Variants in KAZN observed in about 807,000 individuals in gnomAD.
The protein encoded by KAZN is kazrin.
In KAZN, 40 loss-of-function variants were observed where a neutral mutation model predicts 87.4. The ratio of observed to expected loss-of-function variants is 0.46; its 90% CI spans 0.36 to 0.60. The LOEUF (loss-of-function observed/expected upper bound fraction) is 0.60. Ranked by LOEUF, KAZN falls within the 20% of genes least tolerant of loss-of-function variation. The pLI is 0.00. For synonymous variants in KAZN, 466 were observed against 458.3 expected, an observed-to-expected ratio of 1.02 and a Z score of -0.22; for missense variants, 898 against 1,073.9, an observed-to-expected ratio of 0.84 and a Z score of 2.29.
At chr1:14,727,450 CTTTTTTTTTTT>C (rs57203868) in intron 1 of KAZN, among the ~76,000 whole-genome samples, 25 of 73,894 alleles carry the variant, frequency 3.4e-4, no homozygotes, top group Admixed American at 7.3e-4. Flanking sequence ...TGTGCACTTT[CTTTTTTTTTTT>C]TTTTTTTTTT....
intron 2 of KAZN, among the ~76,000 whole-genome samples, chr1:14,312,101 A>G (rs1655344920): frequency 6.6e-6 from 1 of 151,902 alleles, no homozygotes; most frequent in Non-Finnish European, 1.5e-5. Flanking sequence ...TAGAAATAAG[A>G]GGGGAAAGCC....
intron 2 of KAZN, among the ~76,000 whole-genome samples, chr1:14,253,637 T>G (rs1208682592): frequency 1.3e-5 from 2 of 152,164 alleles, no homozygotes; most frequent in African/African-American, 2.4e-5. Context: ...TCTTCTTTCC[T>G]TTCCAGGTGT....
intron 2 of KAZN, among the ~76,000 whole-genome samples, chr1:14,396,744 AT>A (rs1162622725): frequency 6.6e-6 from 1 of 152,202 alleles, no homozygotes; most frequent in Non-Finnish European, 1.5e-5. Flanking sequence ...GGTCATAAAC[AT>A]CTACAATAAA....
chr1:14,539,827 A>T (rs1399956815), intron 2 of KAZN, among the ~76,000 whole-genome samples: 1 of 152,186 alleles, frequency 6.6e-6, no homozygotes, highest in African/African-American at 2.4e-5. Context: ...TAAATGTAAG[A>T]TAACAAATTA....
chr1:14,890,472 C>G (rs142900950), intron 1 of KAZN, among the ~76,000 whole-genome samples: 16 of 152,066 alleles, frequency 1.1e-4, no homozygotes, highest in Non-Finnish European at 1.9e-4. Context: ...CCCCTAAAAG[C>G]TGAACATTTT....
intron 2 of KAZN, among the ~76,000 whole-genome samples, chr1:14,216,757 A>C (rs1389835295): frequency 6.6e-6 from 1 of 152,020 alleles, no homozygotes; most frequent in Non-Finnish European, 1.5e-5. Flanking sequence ...ACAAAAGATT[A>C]GCTGGGAGTG....
chr1:15,053,194 C>T (rs1461814838), intron 4 of KAZN, among the ~76,000 whole-genome samples: 4 of 152,172 alleles, frequency 2.6e-5, no homozygotes, highest in African/African-American at 7.2e-5. Context: ...CCTAAGACTG[C>T]GAGTGTAGCA....
intron 1 of KAZN, among the ~76,000 whole-genome samples, chr1:14,740,162 G>A (rs894453332): frequency 2.6e-5 from 4 of 152,124 alleles, no homozygotes; most frequent in Non-Finnish European, 4.4e-5. Context: ...GAGGCAAATT[G>A]GTCCCTCCAC....
intron 12 of KAZN, 46 bp downstream of exon 12, chr1:15,103,506 A>G: frequency 8.0e-7 from 1 of 1,242,618 alleles, no homozygotes; most frequent in Non-Finnish European, 1.2e-6. Context: ...GCATACACAA[A>G]CCCCATGCAA....
chr1:14,553,975 G>A (rs1015255565), intron 2 of KAZN, among the ~76,000 whole-genome samples: 4 of 152,162 alleles, frequency 2.6e-5, no homozygotes, highest in African/African-American at 4.8e-5. Context: ...AGCTCCTTGC[G>A]TAAGTGCTGA....
At chr1:14,984,810 A>G (rs1666607493) in intron 2 of KAZN, among the ~76,000 whole-genome samples, 1 of 152,192 alleles carries the variant, frequency 6.6e-6, no homozygotes, top group Non-Finnish European at 1.5e-5. Context: ...CCTGCTGGCA[A>G]AGATGGGACA....
chr1:14,826,627 G>A (rs573241900), intron 1 of KAZN, among the ~76,000 whole-genome samples: 4 of 152,232 alleles, frequency 2.6e-5, no homozygotes, highest in Non-Finnish European at 4.4e-5. Context: ...TGGTTCTGTC[G>A]GTTTCACATG....
At chr1:14,185,947 C>T (rs995230615) in intron 2 of KAZN, among the ~76,000 whole-genome samples, 15 of 152,012 alleles carry the variant, frequency 9.9e-5, no homozygotes, top group Non-Finnish European at 1.5e-5. Flanking sequence ...AGACACAGGT[C>T]GAGTTGGAAA....
At chr1:14,640,669 C>A (rs1005319690) in intron 1 of KAZN, among the ~76,000 whole-genome samples, 11 of 152,192 alleles carry the variant, frequency 7.2e-5, no homozygotes, top group African/African-American at 2.4e-4. Context: ...AAGCACAATC[C>A]AAACTAGAAG....
At chr1:14,094,917 A>G (rs1644092839) in intron 1 of KAZN, among the ~76,000 whole-genome samples, 1 of 152,234 alleles carries the variant, frequency 6.6e-6, no homozygotes, top group Non-Finnish European at 1.5e-5. Flanking sequence ...TGCAAGTACC[A>G]GATGAAGATG....
chr1:14,514,530 G>T (rs182027843), intron 2 of KAZN, among the ~76,000 whole-genome samples: 11,686 of 20,438 alleles, frequency 0.57, 4,100 homozygotes, highest in Middle Eastern at 0.78. Flanking sequence ...ATATATTTTA[G>T]ATATATTTTA....
intron 2 of KAZN, among the ~76,000 whole-genome samples, chr1:14,568,173 G>A (rs577087319): frequency 2.0e-5 from 3 of 152,230 alleles, no homozygotes; most frequent in Middle Eastern, 3.4e-3. Context: ...TGCAAAAGAG[G>A]TCCTCCTCCT....
rs552278816 is a variant in KAZN, at chr1:14,858,300, C to T, written c.227-102384C>T. On this transcript the variant is annotated intron_variant, in intron 1 of 14. Coordinates refer to ENST00000376030, the MANE Select transcript of KAZN (RefSeq NM_201628.3). The stretch of plus-strand genomic sequence containing the variant: ...CCATCTTGGCTCACCGCAACCTCCA[C>T]CTCCCAGGTTCAAGTGATTCTCCTG... Among the ~76,000 whole-genome samples, 4 of 148,848 alleles carry T rather than the reference C, an allele frequency of 2.7e-5. No individual in the cohort carries two copies. The East Asian group carries it at 5.9e-4, about 22-fold the overall frequency.
intron 1 of KAZN, among the ~76,000 whole-genome samples, chr1:13,926,208 G>A (rs1363646258): frequency 1.3e-5 from 2 of 151,998 alleles, no homozygotes; most frequent in African/African-American, 2.4e-5. Context: ...GCTTCCCTAT[G>A]CCCTGGCTCA....
Sources: allele counts gnomAD v4.1 joint callset (sites outside exome capture counted in the v4.1 genomes callset), GRCh38; gene constraint gnomAD v4.1.1; transcripts MANE v1.5; gene names NCBI Gene and HGNC (gene_info 2026-07-23, HGNC 2026-07-21).